Variants in ACBD6 observed in about 807,000 individuals in gnomAD.
The protein encoded by ACBD6 is acyl-CoA-binding domain-containing protein 6.
Under a neutral mutation model 37.2 loss-of-function variants are expected in ACBD6, and 28 were observed. That is an observed-to-expected ratio of 0.75 (90% confidence interval 0.56 to 1.03). The LOEUF (loss-of-function observed/expected upper bound fraction) is 1.03. ACBD6 is among the 50% of genes least tolerant of loss of function. The pLI is 0.00. For synonymous variants in ACBD6, 113 were observed against 126.8 expected (o/e 0.89, Z 0.73); for missense variants, 340 against 337.4 (o/e 1.01, Z -0.06).
chr1:180,308,700 T>C (rs1220589399), intron 7 of ACBD6, among the ~76,000 whole-genome samples: 1 of 152,196 alleles, frequency 6.6e-6, no homozygotes, highest in Non-Finnish European at 1.5e-5. Flanking sequence ...TGAGTCCTGA[T>C]TACTTCTAGT....
chr1:180,434,699 T>TCCAAA (rs1648950457), intron 3 of ACBD6: 1 of 457,790 alleles, frequency 2.2e-6, no homozygotes, highest in South Asian at 2.1e-5. Flanking sequence ...GTCCTGTCTT[T>TCCAAA]CCAAACCAAA....
chr1:180,350,022 CCTTTTTT>C (rs1225656158), intron 6 of ACBD6, among the ~76,000 whole-genome samples: 14 of 131,506 alleles, frequency 1.1e-4, no homozygotes, highest in Admixed American at 1.6e-4. Context: ...CTCCAGTGAC[CCTTTTTT>C]TTTTTTTTTT....
At chr1:180,325,996 C>T (rs372819060) in intron 6 of ACBD6, among the ~76,000 whole-genome samples, 4 of 152,274 alleles carry the variant, frequency 2.6e-5, no homozygotes, top group East Asian at 1.9e-4. Flanking sequence ...CACTGGGTCT[C>T]GCCCAAGGCC....
At chr1:180,461,983 C>A (rs1039343986) in intron 3 of ACBD6, among the ~76,000 whole-genome samples, 1 of 152,142 alleles carries the variant, frequency 6.6e-6, no homozygotes, top group Admixed American at 6.5e-5. Flanking sequence ...CACTTGTAAT[C>A]CAAAAACTTT....
intron 4 of ACBD6, 66 bp downstream of exon 4, chr1:180,430,114 C>T (rs1471717715): frequency 1.5e-6 from 2 of 1,351,450 alleles, no homozygotes; most frequent in East Asian, 2.3e-5. Flanking sequence ...TAAGCACATA[C>T]ATACAAACAC....
chr1:180,297,496 G>A (rs1025856271), intron 7 of ACBD6, among the ~76,000 whole-genome samples: 1 of 152,126 alleles, frequency 6.6e-6, no homozygotes, highest in African/African-American at 2.4e-5. Flanking sequence ...CTGATGAATG[G>A]AGAATAGGAG....
At chr1:180,391,383 G>A (rs1292617754) in intron 6 of ACBD6, among the ~76,000 whole-genome samples, 1 of 152,052 alleles carries the variant, frequency 6.6e-6, no homozygotes, top group Non-Finnish European at 1.5e-5. Context: ...ATGAACTGAA[G>A]AAAGTATCTG....
At chr1:180,447,536 T>C (rs1483808242) in intron 3 of ACBD6, among the ~76,000 whole-genome samples, 2 of 152,168 alleles carry the variant, frequency 1.3e-5, no homozygotes, top group East Asian at 1.9e-4. Flanking sequence ...TAAGGCGCAA[T>C]ATGTAAGTCA....
rs759769257 is a variant in ACBD6 at position 180,502,252 on chromosome 1, G to C, written c.15C>G (p.Phe5Leu). ...CGCCGGTGATGGCCCCCGCGGGCAGGAATGATGAAGCCATGTCTCCTTGCT... is the reference window on the plus strand; with the variant it reads ...CGCCGGTGATGGCCCCCGCGGGCAGCAATGATGAAGCCATGTCTCCTTGCT... MASS[F>L]LPAGAITGDS... The change falls in exon 1 of 8, where the codon TTC (phenylalanine) becomes TTG (leucine). Residue 5 changes from phenylalanine to leucine, a missense_variant. Physicochemically the swap from Phe to Leu is conservative, Grantham distance 22. Coordinates refer to ENST00000367595, the MANE Select transcript of ACBD6 (RefSeq NM_032360.4). 6.2e-7 allele frequency: 1 copy of C among 1,613,346 alleles called. No individual in the cohort carries two copies. Among genetic ancestry groups the C allele is most frequent in the Non-Finnish European group, 8.5e-7 (1 of 1,180,046 alleles).
At position 180,317,522 on chromosome 1, in the gene ACBD6, A is replaced by T. The variant is rs12404700; in HGVS notation, c.664-2800T>A. ...GTAAATTCCAAATATATTTTACCAC[A>T]ATAAAAAAGAAAGAAAATTAGAAAA... On this transcript the variant is annotated intron_variant, in intron 6 of 7. Transcript: ENST00000367595. Among the ~76,000 whole-genome samples, 4,214 of 152,282 alleles carry T rather than the reference A, an allele frequency of 0.028. 365 individuals are homozygous for T. In the East Asian group the frequency reaches 0.3, roughly 11 times the overall value.
intron 6 of ACBD6, among the ~76,000 whole-genome samples, chr1:180,339,723 G>A (rs897118134): frequency 3.3e-5 from 5 of 151,822 alleles, no homozygotes; most frequent in East Asian, 1.9e-4. Flanking sequence ...TATCAACTAC[G>A]TGTTAGGCAC....
intron 6 of ACBD6, among the ~76,000 whole-genome samples, chr1:180,383,162 T>C (rs1653724407): frequency 6.6e-6 from 1 of 152,190 alleles, no homozygotes. Flanking sequence ...ACCACTCCTA[T>C]TCAACACAGT....
chr1:180,287,358 C>T (rs1649535684), downstream of ACBD6: 1 of 147,084 alleles, frequency 6.8e-6, no homozygotes, highest in African/African-American at 2.6e-5. Flanking sequence ...TGTAGTGAAC[C>T]ATGATCATAC....
rs1343853444 is a variant in ACBD6, at chr1:180,424,753, G to C, written c.467+5427C>G. On this transcript the variant is annotated intron_variant, in intron 4 of 7. Coordinates refer to ENST00000367595, the MANE Select transcript of ACBD6 (RefSeq NM_032360.4). Reference sequence around the variant, plus strand: ...GAAAGAGAGAACAAAACTGGAAAAAGGAAGAGGAGAAGAAAAAAGAAGAAA... The same window carrying C: ...GAAAGAGAGAACAAAACTGGAAAAACGAAGAGGAGAAGAAAAAAGAAGAAA... 2.0e-5 allele frequency among the ~76,000 whole-genome samples: 3 copies of C among 152,064 alleles called. No homozygotes were observed. In the East Asian group the frequency reaches 5.8e-4, roughly 29 times the overall value.
chr1:180,461,484 T>G (rs1423051054), intron 3 of ACBD6, among the ~76,000 whole-genome samples: 1 of 151,902 alleles, frequency 6.6e-6, no homozygotes, highest in Non-Finnish European at 1.5e-5. Context: ...AAGGTTGAAA[T>G]GACAGAAAAA....
At chr1:180,481,770 T>G (rs10914008) in intron 3 of ACBD6, among the ~76,000 whole-genome samples, 1 of 152,188 alleles carries the variant, frequency 6.6e-6, no homozygotes, top group Non-Finnish European at 1.5e-5. Context: ...TATAATGGAT[T>G]CATGTTATTT....
intron 6 of ACBD6, among the ~76,000 whole-genome samples, chr1:180,329,534 GTAGAAAGCTTTA>G (rs1256696368): frequency 6.6e-6 from 1 of 151,648 alleles, no homozygotes; most frequent in African/African-American, 2.4e-5. Context: ...AACATGATTT[GTAGAAAGCTTTA>G]TTATAGATCT....
At chr1:180,499,220 C>G (rs1571588471) in intron 1 of ACBD6, among the ~76,000 whole-genome samples, 1 of 152,240 alleles carries the variant, frequency 6.6e-6, no homozygotes, top group East Asian at 1.9e-4. Flanking sequence ...AAATTTTGAT[C>G]CAATATGCAG....
At chr1:180,424,735 A>C (rs925596195) in intron 4 of ACBD6, among the ~76,000 whole-genome samples, 1 of 152,184 alleles carries the variant, frequency 6.6e-6, no homozygotes, top group Admixed American at 6.6e-5. Flanking sequence ...CAGGAAAGAG[A>C]GAACAAAACT....
Sources: gnomAD v4.1 joint callset for allele counts (sites outside exome capture counted in the v4.1 genomes callset) on GRCh38, gnomAD v4.1.1 for gene constraint, MANE v1.5 for transcripts, NCBI Gene and HGNC (gene_info 2026-07-23, HGNC 2026-07-21) for gene names.